The following SH3BP2 variants were observed in gnomAD, a reference collection of about 807,000 sequenced individuals.
The protein encoded by SH3BP2 is SH3 domain binding protein 2, also known as SH3 domain-binding protein 2.
SH3BP2 carries 38 observed loss-of-function variants against 56.2 expected under a neutral mutation model. That is an observed-to-expected ratio of 0.68 (90% CI 0.52 to 0.89). The LOEUF is 0.89. Ranked by LOEUF, SH3BP2 falls within the 40% of genes least tolerant of loss-of-function variation. SH3BP2 has a pLI of 0.00. For missense variants in SH3BP2, 748 were observed against 762.6 expected (o/e 0.98, Z 0.23); for synonymous variants, 346 against 316.7 (o/e 1.09, Z -0.98).
intron 1 of SH3BP2, chr4:2,799,370 C>A: frequency 1.1e-6 from 1 of 895,386 alleles, no homozygotes; most frequent in Non-Finnish European, 1.3e-6. Context: ...AGCCCTGAGC[C>A]ATCCTGGGGT....
Position 2,833,903 on chromosome 4 carries a change from A to G in SH3BP2, c.*69A>G. ...CTGACCCCAGGCCACACAGACGGAC[A>G]TGGGCCCACATGGGAGGGTGAGCAG... On this transcript the variant is annotated 3_prime_UTR_variant, in exon 13 of 13. Transcript: ENST00000503393. 1 of 1,480,302 alleles carries G rather than the reference A, an allele frequency of 6.8e-7. No individual in the cohort carries two copies. Among genetic ancestry groups the G allele is most frequent in the South Asian group, 1.3e-5 (1 of 78,934 alleles). 91.7% of individuals were successfully genotyped at this position (1,480,302 alleles called of 1,614,324 possible).
chr4:2,805,775 C>A (rs1364556303), intron 1 of SH3BP2, among the ~76,000 whole-genome samples: 1 of 152,094 alleles, frequency 6.6e-6, no homozygotes, highest in African/African-American at 2.4e-5. Context: ...GGGTCCAGCC[C>A]AGGGGAGTGT....
At chr4:2,825,068 G>T in intron 4 of SH3BP2, 58 bp from the exon 5 acceptor site, 1 of 1,445,002 alleles carries the variant, frequency 6.9e-7, no homozygotes, top group Non-Finnish European at 9.5e-7. Context: ...AAGGTGGAGG[G>T]GTGCGGTGGG....
intron 1 of SH3BP2, 37 bp from the exon 2 acceptor site, chr4:2,820,577 C>T (rs781226850): frequency 1.9e-6 from 3 of 1,613,788 alleles, no homozygotes; most frequent in South Asian, 1.1e-5. Context: ...TCCTGCCTGA[C>T]CGTAGCTGAG....
chr4:2,827,346 C>T (rs372214116), intron 6 of SH3BP2, 28 bp downstream of exon 6: 176 of 1,596,682 alleles, frequency 1.1e-4, no homozygotes, highest in Admixed American at 2.0e-4. Flanking sequence ...ATCCACTGCC[C>T]GTTTGCCTCT....
At position 2,829,354 on chromosome 4, in the gene SH3BP2, C is replaced by T; in HGVS notation, c.587-139C>T. The T allele has an allele frequency of 2.4e-6, 2 of 826,614 alleles. No individual in the cohort carries two copies. Among genetic ancestry groups the T allele is most frequent in the Non-Finnish European group, 4.0e-6 (2 of 499,366 alleles). The allele number at this position is 826,614 out of a possible 1,614,324, so 51.2% of individuals were successfully genotyped here. The stretch of plus-strand genomic sequence containing the variant: ...GAAGGCAGGATGGGAGTGCTGGGTG[C>T]TGGGCTGCTGGGTGGGCAGGCTGTG... On this transcript the variant is annotated intron_variant, in intron 7 of 12. Transcript: ENST00000503393. The surrounding 1 kb of genome is among the most constrained non-coding windows in gnomAD (Gnocchi z 4.9).
Position 2,829,733 on chromosome 4 carries a change from G to A in SH3BP2, c.827G>A (p.Arg276Lys), listed in dbSNP as rs200187838. Residue 276 changes from arginine to lysine, a missense_variant, in exon 8 of 13, where the codon AGG (arginine) becomes AAG (lysine). Physicochemically the swap from Arg to Lys is conservative, Grantham distance 26. Coordinates refer to ENST00000503393, the MANE Select transcript of SH3BP2 (RefSeq NM_001122681.2). The surrounding 1 kb of genome is among the most constrained non-coding windows in gnomAD (Gnocchi z 4.9). ...CCCAGGGTACCTGCTACCCCCCGAA[G>A]GATGAGCGATCCCCCTCTGAGCACC... ...PCPRVPATPR[R>K]MSDPPLSTMP... The A allele has an allele frequency of 6.2e-7, 1 of 1,612,848 alleles. No homozygotes were observed. The highest frequency in any genetic ancestry group is 2.2e-5 in the East Asian group (1 of 44,866).
At chr4:2,804,459 A>G (rs544345296) in intron 1 of SH3BP2, among the ~76,000 whole-genome samples, 85 of 152,306 alleles carry the variant, frequency 5.6e-4, no homozygotes, top group African/African-American at 2.0e-3. Flanking sequence ...CAGCCTCCCC[A>G]GGGGCTCTTG....
intron 7 of SH3BP2, among the ~76,000 whole-genome samples, chr4:2,828,125 CA>C (rs1724774879): frequency 6.7e-6 from 1 of 149,596 alleles, no homozygotes; most frequent in South Asian, 2.2e-4. Context: ...CAGGCTGATA[CA>C]GGTGGTCACA....
rs566617782 is a variant in SH3BP2 at position 2,817,045 on chromosome 4, G to A, written c.-4-3569G>A. Among the ~76,000 whole-genome samples the A allele has an allele frequency of 1.1e-4, 17 of 152,312 alleles. No homozygotes were observed. In the East Asian group the frequency reaches 3.1e-3, roughly 28 times the overall value. Reference sequence around the variant, plus strand: ...TGGGTTAGTTCAGTTTCAACTTTAGGCTGTGGCAACAGCAGGGGCTGAGGC... The same window carrying A: ...TGGGTTAGTTCAGTTTCAACTTTAGACTGTGGCAACAGCAGGGGCTGAGGC... On this transcript the variant is annotated intron_variant, in intron 1 of 12. Transcript: ENST00000503393.
At position 2,827,312 on chromosome 4, in the gene SH3BP2, A is replaced by G. The variant is rs763506976; in HGVS notation, c.511A>G (p.Asn171Asp). The G allele has an allele frequency of 1.2e-6, 2 of 1,613,984 alleles. No individual in the cohort carries two copies. The highest frequency in any genetic ancestry group is 8.5e-7 in the Non-Finnish European group (1 of 1,179,856). Residue 171 changes from asparagine (N) to aspartate (D), a missense_variant, in exon 6 of 13, where the codon AAT (asparagine) becomes GAT (aspartate). Asn to Asp is a conservative substitution (Grantham distance 23). Around this residue, in one of 3 missense-constraint regions of SH3BP2, gnomAD observed 635 missense variants for 615.0 expected, o/e 1.03. Coordinates refer to ENST00000503393, the MANE Select transcript of SH3BP2 (RefSeq NM_001122681.2). ...DISLSPYPTDNEDYEHDDEDD... is the reference protein window; with the variant it reads ...DISLSPYPTDDEDYEHDDEDD... ...CAGCCTTTCCCCGTACCCCACGGACAATGAAGGTGAGGTCTTTCTCCGCAT... is the reference window on the plus strand; with the variant it reads ...CAGCCTTTCCCCGTACCCCACGGACGATGAAGGTGAGGTCTTTCTCCGCAT...
chr4:2,823,093 C>T (rs558954478), intron 3 of SH3BP2, 56 bp downstream of exon 3: 20 of 1,275,460 alleles, frequency 1.6e-5, no homozygotes, highest in Non-Finnish European at 2.3e-5. Context: ...GGGTCCCTCC[C>T]AGCAGAGCCC....
At chr4:2,812,681 C>T (rs1162829227) in intron 1 of SH3BP2, among the ~76,000 whole-genome samples, 1 of 152,190 alleles carries the variant, frequency 6.6e-6, no homozygotes, top group Non-Finnish European at 1.5e-5. Flanking sequence ...CCCGAGCTGG[C>T]AGGCACAGGG....
chr4:2,808,188 G>A (rs773687772), intron 1 of SH3BP2, among the ~76,000 whole-genome samples: 3 of 152,326 alleles, frequency 2.0e-5, no homozygotes, highest in Middle Eastern at 6.8e-3. Flanking sequence ...CTCTGGGGAA[G>A]CCCCTTCCTC....
chr4:2,808,173 G>A (rs898716143), intron 1 of SH3BP2, among the ~76,000 whole-genome samples: 14 of 152,272 alleles, frequency 9.2e-5, no homozygotes, highest in East Asian at 3.9e-4. Context: ...GTGTTGCCCC[G>A]GTGGCTCTGG....
intron 11 of SH3BP2, 46 bp downstream of exon 11, chr4:2,832,458 A>T: frequency 8.9e-6 from 13 of 1,466,442 alleles, no homozygotes; most frequent in Non-Finnish European, 1.2e-5. Flanking sequence ...GGCTCTCCAC[A>T]CACCCAGGCT....
intron 1 of SH3BP2, among the ~76,000 whole-genome samples, chr4:2,802,384 ACT>A (rs1234788456): frequency 1.4e-5 from 2 of 147,834 alleles, no homozygotes; most frequent in African/African-American, 2.5e-5. Context: ...CCAAAGTGAG[ACT>A]CTGTCTCAAA....
intron 1 of SH3BP2, among the ~76,000 whole-genome samples, chr4:2,798,106 G>A (rs1001732383): frequency 1.8e-4 from 28 of 152,056 alleles, no homozygotes; most frequent in Non-Finnish European, 3.4e-4. Context: ...CCTGCCACCC[G>A]GCAGCAGGGA....
At chr4:2,796,929 A>T (rs1284352092) in intron 1 of SH3BP2, among the ~76,000 whole-genome samples, 1 of 152,266 alleles carries the variant, frequency 6.6e-6, no homozygotes, top group Admixed American at 6.5e-5. Context: ...TTCTGGGCTC[A>T]GAGCAGGCTT....
Sources: gnomAD v4.1 joint callset for allele counts (sites outside exome capture counted in the v4.1 genomes callset) on GRCh38, gnomAD v4.1.1 for gene constraint, gnomAD v4.1.1 regional missense constraint, Gnocchi (gnomAD v3.1) non-coding constraint, MANE v1.5 for transcripts, NCBI Gene and HGNC (gene_info 2026-07-23, HGNC 2026-07-21) for gene names.